Variants in TMEM68 observed in about 807,000 individuals in gnomAD.
The protein encoded by TMEM68 is transmembrane protein 68.
In TMEM68, 25 loss-of-function variants were observed where a neutral mutation model predicts 36.9. The ratio of observed to expected loss-of-function variants is 0.68; its 90% CI spans 0.49 to 0.95. The LOEUF is 0.95. Among genes scored for constraint, TMEM68 ranks in the 40% least tolerant of loss-of-function variants. The pLI is 0.00. For synonymous variants in TMEM68, 131 were observed against 124.4 expected (o/e 1.05, Z -0.35); for missense variants, 333 against 392.0 (o/e 0.85, Z 1.27).
chr8:55,740,285 A>C, intron 7 of TMEM68, 67 bp from the exon 8 acceptor site: 1 of 1,149,888 alleles, frequency 8.7e-7, no homozygotes, highest in Non-Finnish European at 1.3e-6. Flanking sequence ...ATCTCCCATT[A>C]CCCCTCAGAA....
intron 3 of TMEM68, among the ~76,000 whole-genome samples, chr8:55,759,824 G>C (rs571248668): frequency 1.3e-5 from 2 of 152,090 alleles, no homozygotes; most frequent in African/African-American, 4.8e-5. Context: ...TATTACATGT[G>C]GGGGAAAAAC....
chr8:55,758,321 T>C (rs543117969), intron 3 of TMEM68, among the ~76,000 whole-genome samples: 2 of 152,356 alleles, frequency 1.3e-5, no homozygotes, highest in African/African-American at 4.8e-5. Context: ...TTCTTAGTCA[T>C]AAATCCTATT....
At chr8:55,768,465 A>G (rs1041294423) in intron 1 of TMEM68, among the ~76,000 whole-genome samples, 4 of 152,180 alleles carry the variant, frequency 2.6e-5, no homozygotes, top group Non-Finnish European at 4.4e-5. Context: ...CTGTAATCTC[A>G]GCACTTTGGG....
chr8:55,758,955 T>A (rs1810690265), intron 3 of TMEM68, among the ~76,000 whole-genome samples: 1 of 152,182 alleles, frequency 6.6e-6, no homozygotes. Context: ...GCTCTAAAGA[T>A]TTGATATTAG....
intron 4 of TMEM68, among the ~76,000 whole-genome samples, chr8:55,754,466 T>TATACAC (rs1346601089): frequency 8.4e-6 from 1 of 118,960 alleles, no homozygotes; most frequent in Admixed American, 9.7e-5. Context: ...TATATATATA[T>TATACAC]ACACACACAC....
intron 4 of TMEM68, 57 bp downstream of exon 4, chr8:55,756,187 A>G: frequency 6.7e-7 from 1 of 1,499,702 alleles, no homozygotes; most frequent in African/African-American, 1.4e-5. Context: ...AGACGACCAC[A>G]TAACTTGGTT....
chr8:55,771,454 A>ACC (rs1232241774), intron 1 of TMEM68, among the ~76,000 whole-genome samples: 2 of 151,630 alleles, frequency 1.3e-5, no homozygotes, highest in African/African-American at 4.9e-5. Context: ...ACACACACAC[A>ACC]CACACACACA....
At chr8:55,758,854 G>T (rs556802338) in intron 3 of TMEM68, among the ~76,000 whole-genome samples, 1 of 151,988 alleles carries the variant, frequency 6.6e-6, no homozygotes, top group African/African-American at 2.4e-5. Context: ...TGGAAAAGGT[G>T]GATACATGCA....
At chr8:55,755,069 T>C (rs1349968972) in intron 4 of TMEM68, among the ~76,000 whole-genome samples, 2 of 149,434 alleles carry the variant, frequency 1.3e-5, no homozygotes, top group South Asian at 4.2e-4. Flanking sequence ...AAGGCCACAG[T>C]GGGAGGATCA....
At chr8:55,770,883 C>T (rs549356850) in intron 1 of TMEM68, among the ~76,000 whole-genome samples, 5 of 152,182 alleles carry the variant, frequency 3.3e-5, no homozygotes, top group East Asian at 3.9e-4. Context: ...AGGCCACGCG[C>T]GGTGGCTCAT....
Position 55,755,010 on chromosome 8 carries a change from TC to T in TMEM68, c.493+1233del, listed in dbSNP as rs199934462. Among the ~76,000 whole-genome samples the T allele has an allele frequency of 9.0e-3, 1,329 of 147,290 alleles. 24 individuals are homozygous for T. Among genetic ancestry groups the T allele is most frequent in the African/African-American group, 0.032 (1,277 of 40,098 alleles). ...TATAAACAGATTTTTTTAAATGTAG[TC>T]TTCACGGCTGGGTGCAGTGGCTCGC... On this transcript the variant is annotated intron_variant, in intron 4 of 7. Coordinates refer to ENST00000434581, the MANE Select transcript of TMEM68 (RefSeq NM_001286657.2).
chr8:55,762,555 AT>A, intron 3 of TMEM68, 79 bp downstream of exon 3: 2 of 1,589,972 alleles, frequency 1.3e-6, no homozygotes, highest in Non-Finnish European at 1.7e-6. Flanking sequence ...TATCTTCTCA[AT>A]CAATAAAATG....
intron 3 of TMEM68, among the ~76,000 whole-genome samples, chr8:55,759,741 A>T (rs181249050): frequency 1.3e-5 from 2 of 152,336 alleles, no homozygotes; most frequent in Admixed American, 1.3e-4. Context: ...CTTCATTTTT[A>T]TGTATTTAAA....
At chr8:55,749,422 T>A (rs139274116) in intron 5 of TMEM68, among the ~76,000 whole-genome samples, 398 of 152,316 alleles carry the variant, frequency 2.6e-3, no homozygotes, top group African/African-American at 8.9e-3. Flanking sequence ...TGAGGCCTAT[T>A]AAGGGATTTT....
Position 55,739,895 on chromosome 8 carries a change from A to T in TMEM68, c.*237T>A, listed in dbSNP as rs1810046195. ...TATATGTTTAGCATAAATTGTTAGG[A>T]ATTTACAAATAAGACATCTTTTTCT... On this transcript the variant is annotated 3_prime_UTR_variant, in exon 8 of 8. Coordinates refer to ENST00000434581, the MANE Select transcript of TMEM68 (RefSeq NM_001286657.2). The T allele has an allele frequency of 4.5e-6, 2 of 447,810 alleles. No individual in the cohort carries two copies. The highest frequency in any genetic ancestry group is 7.9e-6 in the Non-Finnish European group (2 of 254,734). 27.7% of individuals were successfully genotyped at this position (447,810 alleles called of 1,614,324 possible).
rs1810165813 is a variant in TMEM68, at chr8:55,743,465, A to G, written c.888+16T>C. 1 of 1,512,500 alleles carries G rather than the reference A, an allele frequency of 6.6e-7. No individual in the cohort carries two copies. The highest frequency in any genetic ancestry group is 8.8e-7 in the Non-Finnish European group (1 of 1,140,956). 93.7% of individuals were successfully genotyped at this position (1,512,500 alleles called of 1,614,324 possible). ...TAAAAATCTGTCCTAAAACTAAAAA[A>G]GAAAAAGCAATTTACCTTTTCAGCT... On this transcript the variant is annotated intron_variant, in intron 7 of 7. Transcript: ENST00000434581.
chr8:55,772,870 G>C (rs1362427952), intron 1 of TMEM68: 1 of 152,752 alleles, frequency 6.5e-6, no homozygotes, highest in Non-Finnish European at 1.5e-5. Flanking sequence ...CCGGAGGCTC[G>C]ACCTGGGTCC....
chr8:55,751,285 A>C, intron 4 of TMEM68, 128 bp from the exon 5 acceptor site: 1 of 831,276 alleles, frequency 1.2e-6, no homozygotes, highest in South Asian at 2.1e-5. Flanking sequence ...ACTTGTTAAA[A>C]TCAACAAAAA....
chr8:55,747,495 G>GT (rs1810318323), intron 5 of TMEM68: 1 of 152,140 alleles, frequency 6.6e-6, no homozygotes, highest in South Asian at 2.1e-4. Context: ...AGTAAATATA[G>GT]TTTATTTGCT....
Sources: gnomAD v4.1 joint callset for allele counts (sites outside exome capture counted in the v4.1 genomes callset) on GRCh38, gnomAD v4.1.1 for gene constraint, MANE v1.5 for transcripts, NCBI Gene and HGNC (gene_info 2026-07-23, HGNC 2026-07-21) for gene names.